TMEM260: variants seen among roughly 807,000 people sequenced by gnomAD.
The protein encoded by TMEM260 is transmembrane protein 260, also known as protein O-mannosyl-transferase TMEM260.
TMEM260 carries 82 observed loss-of-function variants against 88.9 expected under a neutral mutation model. The observed-to-expected ratio is 0.92, with a 90% CI of 0.77 to 1.11. TMEM260 has a LOEUF of 1.11. Ranked by LOEUF, TMEM260 falls within the 50% of genes least tolerant of loss-of-function variation. The pLI is 0.00. For synonymous variants in TMEM260, 314 were observed against 309.3 expected (o/e 1.02, Z -0.16); for missense variants, 902 against 853.4 (o/e 1.06, Z -0.71).
At chr14:56,634,860 G>A in intron 13 of TMEM260, 39 bp from the exon 14 acceptor site, 1 of 1,549,388 alleles carries the variant, frequency 6.5e-7, no homozygotes, top group Non-Finnish European at 8.8e-7. Context: ...AAAAAAAAGT[G>A]GGTGACAGAA....
intron 3 of TMEM260, among the ~76,000 whole-genome samples, chr14:56,600,902 T>G (rs974987711): frequency 1.3e-5 from 2 of 152,224 alleles, no homozygotes; most frequent in African/African-American, 4.8e-5. Flanking sequence ...TGTCTTCTAC[T>G]ATTTTACTCA....
rs570736888 is a variant in TMEM260 at position 56,605,262 on chromosome 14, G to A, written c.523-308G>A. Among the ~76,000 whole-genome samples, 71 of 152,240 alleles carry A rather than the reference G, an allele frequency of 4.7e-4. 1 individual carries two copies. The South Asian group carries it at 0.014, about 31-fold the overall frequency. On this transcript the variant is annotated intron_variant, in intron 4 of 15. Transcript: ENST00000261556. ...TGAATTTCAATTATAGATTTTACTT[G>A]AATAAGCATTACACAATACCCTATT...
At chr14:56,599,720 A>G (rs1477686262) in intron 3 of TMEM260, among the ~76,000 whole-genome samples, 1 of 152,214 alleles carries the variant, frequency 6.6e-6, no homozygotes, top group African/African-American at 2.4e-5. Flanking sequence ...AAGGGAAAAC[A>G]AAAACAAACA....
At chr14:56,651,989 A>C (rs936618129), downstream of TMEM260, among the ~76,000 whole-genome samples, 4 of 152,234 alleles carry the variant, frequency 2.6e-5, no homozygotes, top group African/African-American at 9.6e-5. Context: ...AAGGTACTTG[A>C]TATTTCTCTC....
chr14:56,642,620 C>T lies in TMEM260; in HGVS notation c.1870-4623C>T, dbSNP rs557072790. On this transcript the variant is annotated intron_variant, in intron 15 of 15. Coordinates refer to ENST00000261556, the MANE Select transcript of TMEM260 (RefSeq NM_017799.4). ...AGAGCTAGAGAAGCAAGAGCAAACA[C>T]ATTCAAAAGCTAGCAGAAGGCAAGA... Among the ~76,000 whole-genome samples, 1,296 of 152,222 alleles carry T rather than the reference C, an allele frequency of 8.5e-3. 26 individuals carry two copies. Among genetic ancestry groups the T allele is most frequent in the African/African-American group, 0.03 (1,252 of 41,534 alleles).
At chr14:56,632,945 T>C in intron 12 of TMEM260, 50 bp from the exon 13 acceptor site, 1 of 1,498,750 alleles carries the variant, frequency 6.7e-7, no homozygotes, top group Non-Finnish European at 9.2e-7. Context: ...TTACTTAACA[T>C]TTAAAACTTT....
At chr14:56,584,022 GTGTGTA>G (rs908551426) in intron 1 of TMEM260, among the ~76,000 whole-genome samples, 29 of 151,472 alleles carry the variant, frequency 1.9e-4, no homozygotes, top group African/African-American at 6.8e-4. Flanking sequence ...GTGTGTGTGT[GTGTGTA>G]TGTGTTTAGG....
chr14:56,644,955 C>T (rs1889855462), intron 15 of TMEM260, among the ~76,000 whole-genome samples: 1 of 152,054 alleles, frequency 6.6e-6, no homozygotes, highest in Non-Finnish European at 1.5e-5. Context: ...TACCATCTCA[C>T]ACCAGTTAGA....
the TMEM260 span, among the ~76,000 whole-genome samples, chr14:56,661,269 C>T: frequency 6.6e-6 from 1 of 152,138 alleles, no homozygotes; most frequent in African/African-American, 2.4e-5. Flanking sequence ...TTCTTCCCCA[C>T]AATTGTGGAT....
chr14:56,629,816 C>T (rs563869853), intron 12 of TMEM260, among the ~76,000 whole-genome samples: 1 of 152,118 alleles, frequency 6.6e-6, no homozygotes, highest in Non-Finnish European at 1.5e-5. Flanking sequence ...GGCAGGATTG[C>T]TTGAGCCCAG....
downstream of TMEM260, among the ~76,000 whole-genome samples, chr14:56,653,736 C>CAAAAAAAAAAAAAAAAAAA (rs10522889): frequency 4.5e-5 from 3 of 66,604 alleles, 1 homozygote; most frequent in Non-Finnish European, 2.7e-5. Context: ...CTCTTGTCTC[C>CAAAAAAAAAAAAAAAAAAA]AAAACAAAAA....
intron 12 of TMEM260, among the ~76,000 whole-genome samples, chr14:56,632,620 T>C (rs984434468): frequency 2.0e-4 from 30 of 151,340 alleles, no homozygotes; most frequent in Admixed American, 3.9e-4. Flanking sequence ...TTAAGCTTCC[T>C]TTTTTCCCCC....
At chr14:56,646,457 A>T (rs568379482) in intron 15 of TMEM260, among the ~76,000 whole-genome samples, 4 of 152,326 alleles carry the variant, frequency 2.6e-5, no homozygotes, top group African/African-American at 9.6e-5. Flanking sequence ...GTAAGCAACT[A>T]TAATATTCCA....
At chr14:56,653,466 G>C (rs1043524181), downstream of TMEM260, among the ~76,000 whole-genome samples, 2 of 151,922 alleles carry the variant, frequency 1.3e-5, no homozygotes, top group African/African-American at 4.8e-5. Flanking sequence ...AGGCACGGTG[G>C]CTCACACCCA....
intron 13 of TMEM260, 87 bp downstream of exon 13, chr14:56,633,258 ATTTT>A (rs60675114): frequency 0.029 from 26,553 of 930,554 alleles, 516 homozygotes; most frequent in African/African-American, 0.09. Context: ...ATGCCTTCTA[ATTTT>A]TTTTTTTATT....
At chr14:56,642,763 C>T (rs1037902694) in intron 15 of TMEM260, among the ~76,000 whole-genome samples, 1 of 152,040 alleles carries the variant, frequency 6.6e-6, no homozygotes, top group African/African-American at 2.4e-5. Context: ...AGACCACTAG[C>T]AAGACTAATA....
In TMEM260 at chr14:56,631,066, AAGAC is replaced by A. The variant is rs572555105; in HGVS notation, c.1548-1925_1548-1922del. The stretch of plus-strand genomic sequence containing the variant: ...AAGAAAGAATTCAACTGAGGGGAAT[AAGAC>A]AGAAGGAGAGACCAAGGCACATTTT... On this transcript the variant is annotated intron_variant, in intron 12 of 15. Coordinates refer to ENST00000261556, the MANE Select transcript of TMEM260 (RefSeq NM_017799.4). Among the ~76,000 whole-genome samples, 3 of 152,324 alleles carry A rather than the reference AAGAC, an allele frequency of 2.0e-5. No individual in the cohort carries two copies. In the East Asian group the frequency reaches 5.8e-4, roughly 29 times the overall value.
chr14:56,596,396 G>A (rs192398034), intron 3 of TMEM260, among the ~76,000 whole-genome samples: 2,013 of 125,606 alleles, frequency 0.016, 45 homozygotes, highest in Non-Finnish European at 0.019. Flanking sequence ...GTGTGTGTGT[G>A]TGTGTGTGTG....
Position 56,647,663 on chromosome 14 carries a change from T to C in TMEM260, c.*166T>C. On this transcript the variant is annotated 3_prime_UTR_variant, in exon 16 of 16. Coordinates refer to ENST00000261556, the MANE Select transcript of TMEM260 (RefSeq NM_017799.4). ...ACTGTTTAATGGGGTATTCAGTGAC[T>C]AAGGTCTGCTATTTATGCAAAATTC... The C allele has an allele frequency of 1.5e-6, 1 of 682,982 alleles. No individual in the cohort carries two copies. Among genetic ancestry groups the C allele is most frequent in the Non-Finnish European group, 2.3e-6 (1 of 437,538 alleles). 42.3% of individuals were successfully genotyped at this position (682,982 alleles called of 1,614,324 possible). A position where few individuals can be genotyped will look rare whatever the true frequency, so the allele number is the denominator to read the frequency against.
Sources: allele counts gnomAD v4.1 joint callset (sites outside exome capture counted in the v4.1 genomes callset), GRCh38; gene constraint gnomAD v4.1.1; transcripts MANE v1.5; gene names NCBI Gene and HGNC (gene_info 2026-07-23, HGNC 2026-07-21).